LRRFIP2: variants seen among roughly 807,000 people sequenced by gnomAD.
LRRFIP2 encodes LRR binding FLII interacting protein 2.
In LRRFIP2, 109 loss-of-function variants were observed where a neutral mutation model predicts 125.9. The observed-to-expected ratio is 0.87, with a 90% CI of 0.74 to 1.01. LRRFIP2 has a LOEUF of 1.01. LRRFIP2 is among the 50% of genes least tolerant of loss of function. The pLI, the probability that LRRFIP2 is intolerant of heterozygous loss-of-function variation, is 0.00. For synonymous variants in LRRFIP2, 291 were observed against 293.1 expected (o/e 0.99, Z 0.07); for missense variants, 850 against 862.3 (o/e 0.99, Z 0.18).
chr3:37,172,389 T>A (rs1174691720), intron 1 of LRRFIP2, among the ~76,000 whole-genome samples: 1 of 152,142 alleles, frequency 6.6e-6, no homozygotes, highest in East Asian at 1.9e-4. Context: ...TACAAAAAGA[T>A]CTTCATATGC....
intron 2 of LRRFIP2, among the ~76,000 whole-genome samples, chr3:37,145,862 A>T (rs973036097): frequency 1.3e-5 from 2 of 152,234 alleles, no homozygotes; most frequent in Non-Finnish European, 2.9e-5. Context: ...TTTCCTAGCT[A>T]CGTAACCTTG....
chr3:37,156,401 C>T (rs559667775), intron 1 of LRRFIP2, among the ~76,000 whole-genome samples: 4 of 150,978 alleles, frequency 2.6e-5, no homozygotes, highest in African/African-American at 9.7e-5. Context: ...GGGCCAGGCA[C>T]GGTGGCTCAT....
intron 18 of LRRFIP2, among the ~76,000 whole-genome samples, chr3:37,086,860 C>CTT (rs776371127): frequency 2.1e-5 from 3 of 144,994 alleles, no homozygotes; most frequent in Non-Finnish European, 1.5e-5. Flanking sequence ...CATACACACA[C>CTT]TTTTTTTTTT....
intron 18 of LRRFIP2, among the ~76,000 whole-genome samples, chr3:37,085,148 C>T (rs2092948280): frequency 6.6e-6 from 1 of 152,152 alleles, no homozygotes; most frequent in Non-Finnish European, 1.5e-5. Context: ...CAATAAAACG[C>T]TTCAAAGAAA....
chr3:37,124,170 G>A (rs964356679), intron 4 of LRRFIP2, among the ~76,000 whole-genome samples: 3 of 152,124 alleles, frequency 2.0e-5, no homozygotes, highest in Non-Finnish European at 2.9e-5. Context: ...CTAGCCACAC[G>A]TGGCTACTGA....
chr3:37,111,089 A>G (rs1009675524), intron 8 of LRRFIP2, 24 bp from the exon 9 acceptor site: 7 of 1,600,196 alleles, frequency 4.4e-6, no homozygotes, highest in Non-Finnish European at 6.0e-6. Flanking sequence ...AATTAAACAC[A>G]TTTTTCTTAG....
chr3:37,109,737 C>A (rs1456758341), intron 9 of LRRFIP2, 34 bp from the exon 10 acceptor site: 1 of 1,596,872 alleles, frequency 6.3e-7, no homozygotes, highest in African/African-American at 1.3e-5. Context: ...TAAGCAAAAA[C>A]AAAAACAAAG....
intron 15 of LRRFIP2, among the ~76,000 whole-genome samples, chr3:37,101,215 G>C (rs569833972): frequency 4.0e-4 from 61 of 152,128 alleles, no homozygotes; most frequent in African/African-American, 1.3e-3. Flanking sequence ...AAATTAGCCA[G>C]GCGTGGTGGC....
chr3:37,163,201 A>G (rs916884628), intron 1 of LRRFIP2, among the ~76,000 whole-genome samples: 1 of 152,338 alleles, frequency 6.6e-6, no homozygotes, highest in Admixed American at 6.5e-5. Context: ...ATCTAATAGC[A>G]GCAGTATGTA....
chr3:37,094,844 C>G lies in LRRFIP2; in HGVS notation c.983G>C (p.Ser328Thr). 6.2e-7 allele frequency: 1 copy of G among 1,614,002 alleles called. No individual in the cohort carries two copies. The highest frequency in any genetic ancestry group is 8.5e-7 in the Non-Finnish European group (1 of 1,179,904). Residue 328 changes from serine (S) to threonine (T), a missense_variant, in exon 17 of 28, where the codon AGT becomes ACT. Coordinates refer to ENST00000336686, the MANE Select transcript of LRRFIP2 (RefSeq NM_006309.4). ...PLSGNSSRRG[S>T]GDTSSLIDPD... Reference sequence around the variant, plus strand: ...ATCTATTAAGCTGCTGGTGTCCCCACTTCCTCGTCTGGATGAGTTTCCACT... The same window carrying G: ...ATCTATTAAGCTGCTGGTGTCCCCAGTTCCTCGTCTGGATGAGTTTCCACT...
intron 6 of LRRFIP2, among the ~76,000 whole-genome samples, chr3:37,118,310 G>T (rs1325677844): frequency 6.6e-6 from 1 of 152,122 alleles, no homozygotes; most frequent in Non-Finnish European, 1.5e-5. Flanking sequence ...TGATTCTGCT[G>T]CATCAGCCTC....
chr3:37,140,653 C>CAAA (rs577510997), intron 2 of LRRFIP2, among the ~76,000 whole-genome samples: 1 of 62,206 alleles, frequency 1.6e-5, no homozygotes. Context: ...ATTCTGTCTC[C>CAAA]AAAAAAAAAA....
chr3:37,095,673 G>C (rs1209738082), intron 16 of LRRFIP2, among the ~76,000 whole-genome samples: 1 of 151,970 alleles, frequency 6.6e-6, no homozygotes, highest in Non-Finnish European at 1.5e-5. Context: ...TCTCGCTGTT[G>C]CCCAGGCTGG....
At chr3:37,096,802 C>T (rs1392669630) in intron 15 of LRRFIP2, 142 bp from the exon 16 acceptor site, 2 of 547,384 alleles carry the variant, frequency 3.7e-6, no homozygotes, top group Non-Finnish European at 6.5e-6. Flanking sequence ...AATTAAAATT[C>T]CAGTTTAACA....
intron 21 of LRRFIP2, among the ~76,000 whole-genome samples, chr3:37,071,657 G>A (rs1340591223): frequency 1.3e-5 from 2 of 152,154 alleles, no homozygotes; most frequent in African/African-American, 2.4e-5. Flanking sequence ...TTCATATCCA[G>A]GCCTGTCTCT....
rs1338016458 is a variant in LRRFIP2 at position 37,127,614 on chromosome 3, G to A, written c.228+16C>T. On this transcript the variant is annotated intron_variant, in intron 4 of 27. Transcript: ENST00000336686. ...GCAATTGATCACAACATGCAGGACAGGCAATACTGGCCTACCAGCCACTTC... is the reference window on the plus strand; with the variant it reads ...GCAATTGATCACAACATGCAGGACAAGCAATACTGGCCTACCAGCCACTTC... 1 of 1,612,298 alleles carries A rather than the reference G, an allele frequency of 6.2e-7. No individual in the cohort carries two copies. Among genetic ancestry groups the A allele is most frequent in the Non-Finnish European group, 8.5e-7 (1 of 1,178,452 alleles).
rs888339375 is a variant in LRRFIP2, at chr3:37,107,989, T to C, written c.714+84A>G. ...ATGCACAACAAAGTGAATCACACCA[T>C]ATCCTCAATATTCTAAACAGTGAGT... On this transcript the variant is annotated intron_variant, in intron 13 of 27. Transcript: ENST00000336686. 4 of 1,126,930 alleles carry C rather than the reference T, an allele frequency of 3.5e-6. No homozygotes were observed. The African/African-American group carries it at 4.6e-5, about 13-fold the overall frequency. The allele number at this position is 1,126,930 out of a possible 1,614,324, so 69.8% of individuals were successfully genotyped here. A position where few individuals can be genotyped will look rare whatever the true frequency, so the allele number is the denominator to read the frequency against.
chr3:37,156,170 C>T (rs187657038), intron 1 of LRRFIP2, among the ~76,000 whole-genome samples: 17 of 152,204 alleles, frequency 1.1e-4, no homozygotes, highest in East Asian at 3.9e-4. Context: ...CCACCATGCT[C>T]GGGCTATGCT....
intron 6 of LRRFIP2, among the ~76,000 whole-genome samples, chr3:37,119,774 C>T (rs1431049715): frequency 6.6e-6 from 1 of 152,100 alleles, no homozygotes; most frequent in Admixed American, 6.5e-5. Flanking sequence ...ATTCTCATGC[C>T]TCAGCCTCCC....
Sources: allele counts gnomAD v4.1 joint callset (sites outside exome capture counted in the v4.1 genomes callset), GRCh38; gene constraint gnomAD v4.1.1; transcripts MANE v1.5; gene names NCBI Gene and HGNC (gene_info 2026-07-23, HGNC 2026-07-21).